Variants in TPRG1 observed in about 807,000 individuals in gnomAD.
TPRG1 encodes the protein tumor protein p63 regulated 1.
TPRG1 carries 29 observed loss-of-function variants against 29.3 expected under a neutral mutation model. The ratio of observed to expected loss-of-function variants is 0.99; its 90% CI spans 0.74 to 1.35. The LOEUF is 1.35. Ranked by LOEUF, TPRG1 falls within the 40% of genes most tolerant of loss-of-function variation. TPRG1 has a pLI of 0.00. For missense variants in TPRG1, 327 were observed against 335.0 expected, an observed-to-expected ratio of 0.98 and a Z score of 0.19; for synonymous variants, 130 against 116.8, an observed-to-expected ratio of 1.11 and a Z score of -0.73.
At chr3:189,074,222 T>TTG (rs1716983830) in intron 4 of TPRG1, among the ~76,000 whole-genome samples, 1 of 141,648 alleles carries the variant, frequency 7.1e-6, no homozygotes, top group Non-Finnish European at 1.5e-5. Flanking sequence ...TTTTTTTTTT[T>TTG]TGACGTGGAG....
intron 4 of TPRG1, among the ~76,000 whole-genome samples, chr3:189,062,286 G>A (rs1298752124): frequency 1.3e-5 from 2 of 152,130 alleles, no homozygotes; most frequent in African/African-American, 2.4e-5. Context: ...GGGACTACTT[G>A]AGGGTAGAGG....
At chr3:189,174,590 T>C (rs892802066) in intron 1 of TPRG1, among the ~76,000 whole-genome samples, 1 of 152,154 alleles carries the variant, frequency 6.6e-6, no homozygotes, top group Non-Finnish European at 1.5e-5. Context: ...AGGCTACAGG[T>C]TAATGGCACC....
At chr3:189,113,773 T>TG in intron 1 of TPRG1, among the ~76,000 whole-genome samples, 1 of 118,358 alleles carries the variant, frequency 8.4e-6, no homozygotes, top group South Asian at 2.6e-4. Flanking sequence ...TGTTGTGGGG[T>TG]GGGGGGACGG....
Position 189,286,178 on chromosome 3 carries a change from CA to C in TPRG1, c.480-24207del, listed in dbSNP as rs1718029438. Reference sequence around the variant, plus strand: ...GCTTAGAATGCTATTCCCCAGATACCACATAATCACTCCCTCTTTTTTTTTA... The same window carrying C: ...GCTTAGAATGCTATTCCCCAGATACCCATAATCACTCCCTCTTTTTTTTTA... On this transcript the variant is annotated intron_variant, in intron 4 of 5. Coordinates refer to ENST00000345063, the MANE Select transcript of TPRG1 (RefSeq NM_198485.4). Among the ~76,000 whole-genome samples the C allele has an allele frequency of 3.9e-5, 6 of 152,150 alleles. No homozygotes were observed. The South Asian group carries it at 1.2e-3, about 32-fold the overall frequency.
intron 4 of TPRG1, among the ~76,000 whole-genome samples, chr3:189,051,677 C>G (rs1016522981): frequency 3.3e-5 from 5 of 152,142 alleles, no homozygotes; most frequent in Admixed American, 6.6e-5. Context: ...AGACACCACA[C>G]TACCTGATTT....
intron 4 of TPRG1, among the ~76,000 whole-genome samples, chr3:189,259,287 G>A (rs1485699382): frequency 2.6e-5 from 4 of 151,762 alleles, no homozygotes; most frequent in South Asian, 2.1e-4. Flanking sequence ...CAGGTGAGGC[G>A]ACACCCCACC....
chr3:189,276,840 A>C (rs1172273931), intron 4 of TPRG1, among the ~76,000 whole-genome samples: 1 of 152,094 alleles, frequency 6.6e-6, no homozygotes, highest in African/African-American at 2.4e-5. Flanking sequence ...CAAGAGAGGC[A>C]GGGTTTTTCG....
chr3:189,044,437 C>A (rs1714831583), intron 4 of TPRG1, among the ~76,000 whole-genome samples: 1 of 152,034 alleles, frequency 6.6e-6, no homozygotes, highest in Non-Finnish European at 1.5e-5. Flanking sequence ...CGCCTGTAAT[C>A]CCAGCTACTC....
At chr3:189,166,399 T>C (rs1019607355) in intron 5 of TPRG1, among the ~76,000 whole-genome samples, 4 of 152,246 alleles carry the variant, frequency 2.6e-5, no homozygotes, top group African/African-American at 9.6e-5. Flanking sequence ...AACAGTTTGA[T>C]ACTTAGTAGC....
intron 3 of TPRG1, among the ~76,000 whole-genome samples, chr3:189,236,766 G>A (rs1739523529): frequency 6.6e-6 from 1 of 151,950 alleles, no homozygotes; most frequent in Admixed American, 6.6e-5. Flanking sequence ...TCCTTTTTCT[G>A]CTTCTCCTTT....
intron 4 of TPRG1, among the ~76,000 whole-genome samples, chr3:189,292,206 A>G (rs1347153527): frequency 6.6e-6 from 1 of 150,512 alleles, no homozygotes; most frequent in Non-Finnish European, 1.5e-5. Context: ...GGCAGTTAAA[A>G]CTTCTGCAGT....
chr3:189,032,999 T>C (rs1714023867), intron 4 of TPRG1, among the ~76,000 whole-genome samples: 1 of 152,024 alleles, frequency 6.6e-6, no homozygotes, highest in Non-Finnish European at 1.5e-5. Context: ...AGTCCAAATG[T>C]CCCACAACCG....
intron 3 of TPRG1, among the ~76,000 whole-genome samples, chr3:189,012,562 T>C (rs1578189802): frequency 6.6e-6 from 1 of 152,000 alleles, no homozygotes; most frequent in Admixed American, 6.6e-5. Flanking sequence ...ATAGTTTCAG[T>C]AGGAATGATA....
At chr3:189,244,209 C>G (rs945966354) in intron 4 of TPRG1, among the ~76,000 whole-genome samples, 7 of 152,130 alleles carry the variant, frequency 4.6e-5, no homozygotes, top group African/African-American at 1.7e-4. Context: ...GTGGATGGAT[C>G]ACTTGAGGTC....
chr3:189,109,655 C>T (rs184002825), intron 1 of TPRG1, among the ~76,000 whole-genome samples: 1 of 152,288 alleles, frequency 6.6e-6, no homozygotes, highest in South Asian at 2.1e-4. Context: ...CACTTGCTTA[C>T]AATCAATAAC....
At chr3:189,284,699 T>C (rs1295797947) in intron 4 of TPRG1, among the ~76,000 whole-genome samples, 6 of 152,198 alleles carry the variant, frequency 3.9e-5, no homozygotes, top group Admixed American at 1.3e-4. Context: ...GCATGTTTCC[T>C]ATTTAATAAA....
intron 3 of TPRG1, among the ~76,000 whole-genome samples, chr3:189,022,807 G>A (rs535753311): frequency 1.3e-5 from 2 of 152,342 alleles, no homozygotes; most frequent in African/African-American, 4.8e-5. Flanking sequence ...CGGGGCAATG[G>A]CGGGCGCCCC....
rs1286592671 is a variant in TPRG1 at position 189,322,203 on chromosome 3, A to AC, written c.*1384dup. The AC allele has an allele frequency of 6.6e-6, 1 of 152,080 alleles. No individual in the cohort carries two copies. Among genetic ancestry groups the AC allele is most frequent in the Non-Finnish European group, 1.5e-5 (1 of 67,990 alleles). 9.4% of individuals were successfully genotyped at this position (152,080 alleles called of 1,614,324 possible). On this transcript the variant is annotated 3_prime_UTR_variant, in exon 6 of 6. Transcript: ENST00000345063. ...GATGTTTAAGTTGAAATTCCAGCCAACTTTTTTTTGACTTTTATGTGAAGT... is the reference window on the plus strand; with the variant it reads ...GATGTTTAAGTTGAAATTCCAGCCAACCTTTTTTTTGACTTTTATGTGAAGT...
chr3:189,201,842 G>C (rs1206384713), intron 1 of TPRG1, among the ~76,000 whole-genome samples: 2 of 151,914 alleles, frequency 1.3e-5, no homozygotes, highest in Non-Finnish European at 2.9e-5. Flanking sequence ...GTAGAGATGG[G>C]GTTTCACCAT....
Sources: allele counts gnomAD v4.1 joint callset (sites outside exome capture counted in the v4.1 genomes callset), GRCh38; gene constraint gnomAD v4.1.1; transcripts MANE v1.5; gene names NCBI Gene and HGNC (gene_info 2026-07-23, HGNC 2026-07-21).